The following GSDMC variants were observed in gnomAD, a reference collection of about 807,000 sequenced individuals.
GSDMC encodes gasdermin C.
In GSDMC, 59 loss-of-function variants were observed where a neutral mutation model predicts 58.0. The observed-to-expected ratio is 1.02, with a 90% CI of 0.82 to 1.26. The LOEUF is 1.26. Among genes scored for constraint, GSDMC ranks in the 50% most tolerant of loss-of-function variants. The pLI, the probability that GSDMC is intolerant of heterozygous loss-of-function variation, is 0.00. For synonymous variants in GSDMC, 241 were observed against 220.2 expected, an observed-to-expected ratio of 1.09 and a Z score of -0.83; for missense variants, 659 against 598.5, an observed-to-expected ratio of 1.10 and a Z score of -1.06.
intron 13 of GSDMC, 138 bp from the exon 14 acceptor site, chr8:129,748,878 C>T: frequency 3.5e-6 from 2 of 564,748 alleles, no homozygotes; most frequent in Non-Finnish European, 5.8e-6. Context: ...GAGTAACATG[C>T]TGGTCATACC....
At chr8:129,783,800 A>G (rs1246100449) in intron 1 of GSDMC, among the ~76,000 whole-genome samples, 1 of 152,186 alleles carries the variant, frequency 6.6e-6, no homozygotes, top group East Asian at 1.9e-4. Flanking sequence ...CCTGAGCAAA[A>G]AGAGCAAAAC....
intron 1 of GSDMC, among the ~76,000 whole-genome samples, chr8:129,780,592 A>C (rs1028608953): frequency 1.3e-5 from 2 of 152,208 alleles, no homozygotes; most frequent in African/African-American, 4.8e-5. Flanking sequence ...CTTCCCAAAC[A>C]AAAACTGAGA....
chr8:129,777,411 T>C lies in GSDMC; in HGVS notation c.177A>G (p.Glu59=). 2 of 1,613,850 alleles carry C rather than the reference T, an allele frequency of 1.2e-6. No individual in the cohort carries two copies. The highest frequency in any genetic ancestry group is 4.5e-5 in the East Asian group (2 of 44,866). ...GCTCCAGGATGTCATTGAGGGAGAA[T>C]TCAACTGGAACATAGTCAGATTGTT... ...FWEQSDYVPV[E]FSLNDILEPS... The change falls in exon 2 of 14, where the codon GAA becomes GAG. Residue 59 remains glutamate, a synonymous_variant. Coordinates refer to ENST00000276708, the MANE Select transcript of GSDMC (RefSeq NM_031415.3).
At chr8:129,744,832 T>C (rs1401058775), downstream of GSDMC, among the ~76,000 whole-genome samples, 1 of 152,198 alleles carries the variant, frequency 6.6e-6, no homozygotes, top group East Asian at 1.9e-4. Flanking sequence ...ACATACTATT[T>C]CTTCTGAATG....
chr8:129,777,401 T>C lies in GSDMC; in HGVS notation c.187A>G (p.Asn63Asp). The C allele has an allele frequency of 6.2e-7, 1 of 1,613,484 alleles. No homozygotes were observed. The highest frequency in any genetic ancestry group is 8.5e-7 in the Non-Finnish European group (1 of 1,179,418). ...SDYVPVEFSL[N>D]DILEPSSSVL... ...GAAGAACTTGGCTCCAGGATGTCAT[T>C]GAGGGAGAATTCAACTGGAACATAG... The change falls in exon 2 of 14, where the codon AAT becomes GAT. Residue 63 changes from asparagine to aspartate, a missense_variant. Asn to Asp is a conservative substitution (Grantham distance 23). Coordinates refer to ENST00000276708, the MANE Select transcript of GSDMC (RefSeq NM_031415.3).
the GSDMC span, among the ~76,000 whole-genome samples, chr8:129,740,008 ATG>A: frequency 6.6e-6 from 1 of 152,092 alleles, no homozygotes; most frequent in South Asian, 2.1e-4. Context: ...GACTGGGCTA[ATG>A]TGTGTGTGTT....
intron 6 of GSDMC, among the ~76,000 whole-genome samples, chr8:129,760,147 T>C (rs1243238304): frequency 6.6e-6 from 1 of 152,138 alleles, no homozygotes; most frequent in Non-Finnish European, 1.5e-5. Context: ...CACTTACTTG[T>C]GGGATGTAAA....
the GSDMC span, among the ~76,000 whole-genome samples, chr8:129,738,861 T>A: frequency 6.6e-6 from 1 of 151,992 alleles, no homozygotes; most frequent in Non-Finnish European, 1.5e-5. Context: ...AAGGAAGAGA[T>A]AAACATCTTA....
chr8:129,762,846 T>G, intron 4 of GSDMC, 115 bp from the exon 5 acceptor site: 1 of 644,584 alleles, frequency 1.6e-6, no homozygotes. Context: ...TCCTCCCTAC[T>G]GCTGACTTCT....
chr8:129,714,746 A>T, the GSDMC span, among the ~76,000 whole-genome samples: 1 of 147,920 alleles, frequency 6.8e-6, no homozygotes, highest in Non-Finnish European at 1.5e-5. Flanking sequence ...TCACCAGCAG[A>T]CCTGCTTGAA....
intron 1 of GSDMC, among the ~76,000 whole-genome samples, chr8:129,777,801 G>A (rs1201057870): frequency 1.3e-5 from 2 of 152,038 alleles, no homozygotes; most frequent in African/African-American, 2.4e-5. Context: ...GCCCAGACTG[G>A]TCTTGAACTC....
At chr8:129,716,007 T>C in the GSDMC span, among the ~76,000 whole-genome samples, 8 of 152,136 alleles carry the variant, frequency 5.3e-5, no homozygotes, top group East Asian at 9.7e-4. Context: ...AAAATAACAA[T>C]ACAAAGTTAT....
intron 1 of GSDMC, among the ~76,000 whole-genome samples, chr8:129,782,250 C>A (rs1165627000): frequency 6.6e-6 from 1 of 152,076 alleles, no homozygotes; most frequent in Non-Finnish European, 1.5e-5. Flanking sequence ...TAAGTGTCTA[C>A]ATCAAAACAG....
the GSDMC span, among the ~76,000 whole-genome samples, chr8:129,712,986 G>T: frequency 2.0e-5 from 3 of 152,186 alleles, no homozygotes; most frequent in African/African-American, 4.8e-5. Context: ...GGGATGTCGG[G>T]GTGAGGAGGC....
Position 129,760,483 on chromosome 8 carries a change from A to G in GSDMC, c.721+62T>C, listed in dbSNP as rs140696872. ...AAAACATCTCATGTACCTTATAAAT[A>G]TACATACCTCCCATGTACTCATAAA... On this transcript the variant is annotated intron_variant, in intron 6 of 13. Transcript: ENST00000276708. 134 of 896,858 alleles carry G rather than the reference A, an allele frequency of 1.5e-4. 1 individual carries two copies. In the African/African-American group the frequency reaches 2.1e-3, roughly 14 times the overall value. 55.6% of individuals were successfully genotyped at this position (896,858 alleles called of 1,614,324 possible).
At chr8:129,784,949 A>G (rs540751923) in intron 1 of GSDMC, among the ~76,000 whole-genome samples, 146 of 152,316 alleles carry the variant, frequency 9.6e-4, no homozygotes, top group South Asian at 3.9e-3. Context: ...GCGGTGGCTC[A>G]TGCCTGTAAT....
the GSDMC span, among the ~76,000 whole-genome samples, chr8:129,718,328 GA>G: frequency 6.6e-6 from 1 of 151,956 alleles, no homozygotes; most frequent in African/African-American, 2.4e-5. Context: ...AAATTTACAA[GA>G]AAAAAACAAA....
intron 1 of GSDMC, among the ~76,000 whole-genome samples, chr8:129,785,146 G>A (rs1473188511): frequency 6.6e-6 from 1 of 152,128 alleles, no homozygotes; most frequent in Non-Finnish European, 1.5e-5. Flanking sequence ...AGGAGGCGGA[G>A]GTTGCAGTGA....
the GSDMC span, among the ~76,000 whole-genome samples, chr8:129,732,929 T>C: frequency 1.3e-5 from 2 of 152,210 alleles, no homozygotes; most frequent in Admixed American, 6.5e-5. Context: ...TGACAGACTG[T>C]ACCTGGAAAA....
Sources: gnomAD v4.1 joint callset for allele counts (sites outside exome capture counted in the v4.1 genomes callset) on GRCh38, gnomAD v4.1.1 for gene constraint, MANE v1.5 for transcripts, NCBI Gene and HGNC (gene_info 2026-07-23, HGNC 2026-07-21) for gene names.